NOX4: variants seen among roughly 807,000 people sequenced by gnomAD.
The protein encoded by NOX4 is NADPH oxidase 4.
A neutral mutation model predicts 87.6 loss-of-function variants in NOX4; 69 were observed. The ratio of observed to expected loss-of-function variants is 0.79; its 90% CI spans 0.65 to 0.96. The LOEUF (loss-of-function observed/expected upper bound fraction) is 0.96. Ranked by LOEUF, NOX4 falls within the 40% of genes least tolerant of loss-of-function variation. NOX4 has a pLI of 0.00. For missense variants in NOX4, 680 were observed against 681.5 expected (o/e 1.00, Z 0.02); for synonymous variants, 275 against 238.2 (o/e 1.15, Z -1.42).
chr11:89,411,802 A>G (rs1222147549), intron 8 of NOX4, among the ~76,000 whole-genome samples: 1 of 152,180 alleles, frequency 6.6e-6, no homozygotes, highest in Non-Finnish European at 1.5e-5. Context: ...AAAATGGTAC[A>G]AGAAAGGCCA....
chr11:89,453,833 C>G (rs1211750356), intron 2 of NOX4, among the ~76,000 whole-genome samples: 1 of 152,124 alleles, frequency 6.6e-6, no homozygotes, highest in Non-Finnish European at 1.5e-5. Context: ...CCCACTTTAT[C>G]ATGCTGCTAA....
At chr11:89,555,145 T>C in the NOX4 span, among the ~76,000 whole-genome samples, 58,000 of 151,788 alleles carry the variant, frequency 0.38, 11,351 homozygotes, top group African/African-American at 0.46. Flanking sequence ...ATTCCATTCT[T>C]TTTGCTGGTT....
intron 2 of NOX4, among the ~76,000 whole-genome samples, chr11:89,484,489 G>T (rs533733763): frequency 3.9e-5 from 6 of 152,216 alleles, no homozygotes; most frequent in Non-Finnish European, 5.9e-5. Context: ...AGTCCATACA[G>T]TGTGGGGTTT....
At chr11:89,528,408 G>C in the NOX4 span, among the ~76,000 whole-genome samples, 2 of 152,156 alleles carry the variant, frequency 1.3e-5, no homozygotes, top group African/African-American at 4.8e-5. Flanking sequence ...ATGAGATTTA[G>C]GAGGGGCCAG....
chr11:89,521,929 C>A, the NOX4 span, among the ~76,000 whole-genome samples: 1 of 152,084 alleles, frequency 6.6e-6, no homozygotes, highest in Non-Finnish European at 1.5e-5. Flanking sequence ...ACGAAAAATG[C>A]TCAACATCAC....
chr11:89,491,463 A>C, upstream of NOX4: 1 of 527,538 alleles, frequency 1.9e-6, no homozygotes, highest in Non-Finnish European at 3.3e-6. Context: ...TCCCACCCGC[A>C]CCGGGTCAGC....
chr11:89,485,639 C>A (rs1350423572), intron 2 of NOX4, among the ~76,000 whole-genome samples: 3 of 152,010 alleles, frequency 2.0e-5, no homozygotes, highest in African/African-American at 7.3e-5. Context: ...TGAACACAAC[C>A]TGTTACTAAT....
At chr11:89,373,622 T>C in intron 11 of NOX4, 130 bp from the exon 12 acceptor site, 1 of 607,812 alleles carries the variant, frequency 1.6e-6, no homozygotes, top group Non-Finnish European at 3.0e-6. Context: ...GACTAAAATC[T>C]ATACAGATCC....
chr11:89,438,863 TATTA>T (rs1944292240), intron 6 of NOX4, among the ~76,000 whole-genome samples: 1 of 48,026 alleles, frequency 2.1e-5, no homozygotes, highest in South Asian at 6.0e-4. Flanking sequence ...ATATATTATA[TATTA>T]TATATATAAT....
At chr11:89,446,130 C>T (rs1052083221) in intron 4 of NOX4, among the ~76,000 whole-genome samples, 1 of 152,064 alleles carries the variant, frequency 6.6e-6, no homozygotes, top group Non-Finnish European at 1.5e-5. Context: ...CATTATATAA[C>T]ATCAGAGAAA....
At chr11:89,505,964 T>C in the NOX4 span, among the ~76,000 whole-genome samples, 1 of 151,886 alleles carries the variant, frequency 6.6e-6, no homozygotes, top group East Asian at 1.9e-4. Flanking sequence ...GGGTGAGGTT[T>C]ATGATTGTCC....
intron 13 of NOX4, among the ~76,000 whole-genome samples, chr11:89,343,277 G>T (rs1387842543): frequency 6.6e-6 from 1 of 152,200 alleles, no homozygotes; most frequent in Non-Finnish European, 1.5e-5. Context: ...AAGAATTGTA[G>T]AGGGCCACAC....
intron 13 of NOX4, among the ~76,000 whole-genome samples, chr11:89,343,062 C>T (rs1410540633): frequency 1.3e-5 from 2 of 152,096 alleles, no homozygotes; most frequent in Non-Finnish European, 2.9e-5. Context: ...TTCTGAGCTA[C>T]ACACCCACAC....
chr11:89,433,782 A>G (rs1410817199), intron 6 of NOX4, among the ~76,000 whole-genome samples: 1 of 152,076 alleles, frequency 6.6e-6, no homozygotes, highest in Non-Finnish European at 1.5e-5. Context: ...AAAATGTGCA[A>G]ATATATTGTC....
chr11:89,514,532 TA>T, the NOX4 span, among the ~76,000 whole-genome samples: 1 of 152,008 alleles, frequency 6.6e-6, no homozygotes, highest in Non-Finnish European at 1.5e-5. Context: ...CAAACTCTAG[TA>T]AAATGTTTAT....
intron 11 of NOX4, among the ~76,000 whole-genome samples, chr11:89,386,937 A>T (rs1940753743): frequency 6.6e-6 from 1 of 152,104 alleles, no homozygotes; most frequent in Admixed American, 6.6e-5. Context: ...ATACAAAACC[A>T]TATCCAGGCC....
intron 11 of NOX4, among the ~76,000 whole-genome samples, chr11:89,396,144 T>C (rs1235481518): frequency 6.6e-6 from 1 of 152,158 alleles, no homozygotes; most frequent in Non-Finnish European, 1.5e-5. Context: ...GAGCATGAAA[T>C]GTTCTTCCAT....
At chr11:89,573,008 T>C in the NOX4 span, among the ~76,000 whole-genome samples, 1 of 152,162 alleles carries the variant, frequency 6.6e-6, no homozygotes, top group African/African-American at 2.4e-5. Context: ...TCTTTTACTA[T>C]AGTTCACTGG....
chr11:89,366,886 A>G (rs1215511214), intron 12 of NOX4, among the ~76,000 whole-genome samples: 1 of 152,130 alleles, frequency 6.6e-6, no homozygotes, highest in Non-Finnish European at 1.5e-5. Context: ...ACTAAAAAAC[A>G]TGACAGCATA....
Sources: gnomAD v4.1 joint callset for allele counts (sites outside exome capture counted in the v4.1 genomes callset) on GRCh38, gnomAD v4.1.1 for gene constraint, MANE v1.5 for transcripts, NCBI Gene and HGNC (gene_info 2026-07-23, HGNC 2026-07-21) for gene names.